KCNQ5: variants seen among roughly 807,000 people sequenced by gnomAD.
KCNQ5 encodes potassium voltage-gated channel subfamily Q member 5.
In KCNQ5, 30 loss-of-function variants were observed where a neutral mutation model predicts 98.2. The observed-to-expected ratio is 0.31, with a 90% CI of 0.23 to 0.41. The LOEUF is 0.41. Ranked by LOEUF, KCNQ5 falls within the 10% of genes least tolerant of loss-of-function variation. The probability of loss-of-function intolerance (pLI) is 1.00; values close to 1 mark genes in which losing one functional copy is unlikely to be tolerated. For synonymous variants in KCNQ5, 458 were observed against 449.4 expected (o/e 1.02, Z -0.24); for missense variants, 835 against 1,182.5 (o/e 0.71, Z 4.31).
chr6:73,058,244 C>A (rs4401620), intron 3 of KCNQ5, among the ~76,000 whole-genome samples: 1 of 151,936 alleles, frequency 6.6e-6, no homozygotes, highest in Non-Finnish European at 1.5e-5. Context: ...AACGCCATCT[C>A]TACTAAAATT....
chr6:72,978,785 G>A (rs926278337), intron 1 of KCNQ5, among the ~76,000 whole-genome samples: 7 of 152,242 alleles, frequency 4.6e-5, no homozygotes, highest in South Asian at 2.1e-4. Flanking sequence ...CCATTAACTC[G>A]TCATTTACAT....
chr6:72,996,813 G>A (rs1448421029), intron 1 of KCNQ5, among the ~76,000 whole-genome samples: 2 of 152,178 alleles, frequency 1.3e-5, no homozygotes, highest in South Asian at 2.1e-4. Flanking sequence ...CTGGGCAAAC[G>A]TAAAGAACAG....
At chr6:72,856,483 C>T (rs1244350557) in intron 1 of KCNQ5, among the ~76,000 whole-genome samples, 3 of 151,314 alleles carry the variant, frequency 2.0e-5, no homozygotes, top group African/African-American at 7.3e-5. Flanking sequence ...CACACACACA[C>T]ACACACACAC....
intron 10 of KCNQ5, among the ~76,000 whole-genome samples, chr6:73,145,945 A>G (rs9446854): frequency 0.2 from 29,707 of 151,992 alleles, 8,172 homozygotes; most frequent in African/African-American, 0.61. Context: ...GAGAATGAGA[A>G]AGTGAGAGTG....
chr6:72,757,569 A>T (rs369527669), intron 1 of KCNQ5, among the ~76,000 whole-genome samples: 124 of 152,330 alleles, frequency 8.1e-4, no homozygotes, highest in African/African-American at 2.9e-3. Context: ...AATGTTAAAT[A>T]TCTCATGGAA....
intron 1 of KCNQ5, among the ~76,000 whole-genome samples, chr6:72,832,133 A>T (rs954473410): frequency 2.0e-5 from 3 of 152,110 alleles, no homozygotes; most frequent in Non-Finnish European, 4.4e-5. Flanking sequence ...TGGACTAAAG[A>T]TGCATATTTG....
chr6:72,939,395 G>A (rs1172626777), intron 1 of KCNQ5, among the ~76,000 whole-genome samples: 2 of 152,172 alleles, frequency 1.3e-5, no homozygotes, highest in Non-Finnish European at 2.9e-5. Context: ...CTGCTTTAGG[G>A]AAATGCAAAG....
chr6:72,866,890 C>T (rs1005379424), intron 1 of KCNQ5, among the ~76,000 whole-genome samples: 1 of 152,144 alleles, frequency 6.6e-6, no homozygotes, highest in Non-Finnish European at 1.5e-5. Flanking sequence ...ACTACATGAA[C>T]TTCTTAATTT....
chr6:72,788,839 C>T (rs1186255461), intron 1 of KCNQ5, among the ~76,000 whole-genome samples: 2 of 152,152 alleles, frequency 1.3e-5, no homozygotes, highest in East Asian at 3.9e-4. Flanking sequence ...TTAATTTGAA[C>T]CCATGTCTTA....
chr6:72,948,063 G>T (rs1437102183), intron 1 of KCNQ5, among the ~76,000 whole-genome samples: 1 of 152,058 alleles, frequency 6.6e-6, no homozygotes, highest in East Asian at 1.9e-4. Context: ...AATTAACGTA[G>T]CACCACATCA....
chr6:73,133,244 T>C (rs1776308714), intron 9 of KCNQ5, among the ~76,000 whole-genome samples, 177 bp from the exon 10 acceptor site: 1 of 152,164 alleles, frequency 6.6e-6, no homozygotes, highest in African/African-American at 2.4e-5. Flanking sequence ...AATGCAAATA[T>C]AGAGATTAGA....
chr6:72,907,176 A>G (rs1001287096), intron 1 of KCNQ5, among the ~76,000 whole-genome samples: 17 of 152,112 alleles, frequency 1.1e-4, no homozygotes, highest in African/African-American at 4.1e-4. Flanking sequence ...ACCCCCGGAG[A>G]GGAGGGAGAG....
chr6:72,895,054 G>A (rs184358301), intron 1 of KCNQ5, among the ~76,000 whole-genome samples: 164 of 150,026 alleles, frequency 1.1e-3, no homozygotes, highest in African/African-American at 3.9e-3. Context: ...CGAGATGGGC[G>A]GATCACGAGG....
intron 1 of KCNQ5, among the ~76,000 whole-genome samples, chr6:72,974,568 G>A (rs1324170850): frequency 1.3e-5 from 2 of 152,080 alleles, no homozygotes; most frequent in Non-Finnish European, 2.9e-5. Flanking sequence ...TCTCTAAATA[G>A]AAGCATTGAC....
chr6:73,188,982 CAAA>C (rs67431655), intron 11 of KCNQ5, among the ~76,000 whole-genome samples: 100 of 82,408 alleles, frequency 1.2e-3, no homozygotes, highest in African/African-American at 2.9e-3. Flanking sequence ...GACTCTGTCT[CAAA>C]AAAAAAAAAA....
At chr6:72,711,403 G>A (rs543472260) in intron 1 of KCNQ5, among the ~76,000 whole-genome samples, 1 of 152,232 alleles carries the variant, frequency 6.6e-6, no homozygotes, top group African/African-American at 2.4e-5. Flanking sequence ...TGATAAAAAA[G>A]AGTTAACCCC....
At position 73,000,106 on chromosome 6, in the gene KCNQ5, T is replaced by G. The variant is rs1427612566; in HGVS notation, c.399-3802T>G. On this transcript the variant is annotated intron_variant, in intron 1 of 13. Coordinates refer to ENST00000370398, the MANE Select transcript of KCNQ5 (RefSeq NM_019842.4). ...TGTATTCAACCACTAGAGAGGTGCG[T>G]TGGGGTCATGGTCAGTAATCAGCAT... Among the ~76,000 whole-genome samples the G allele has an allele frequency of 2.6e-5, 4 of 152,038 alleles. No homozygotes were observed. In the South Asian group the frequency reaches 8.3e-4, roughly 32 times the overall value.
intron 3 of KCNQ5, among the ~76,000 whole-genome samples, chr6:73,059,580 A>T (rs1396409465): frequency 6.6e-6 from 1 of 152,176 alleles, no homozygotes; most frequent in Non-Finnish European, 1.5e-5. Flanking sequence ...TTAAAAATAA[A>T]TCATAAAATA....
chr6:73,089,956 T>C (rs1554207307), intron 5 of KCNQ5, among the ~76,000 whole-genome samples: 3 of 152,074 alleles, frequency 2.0e-5, no homozygotes, highest in Non-Finnish European at 4.4e-5. Flanking sequence ...GATCAAATGG[T>C]TCTACTTTTA....
Sources: allele counts gnomAD v4.1 joint callset (sites outside exome capture counted in the v4.1 genomes callset), GRCh38; gene constraint gnomAD v4.1.1; transcripts MANE v1.5; gene names NCBI Gene and HGNC (gene_info 2026-07-23, HGNC 2026-07-21).